The following SH3RF1 variants were observed in gnomAD, a reference collection of about 807,000 sequenced individuals.
The protein encoded by SH3RF1 is E3 ubiquitin-protein ligase SH3RF1.
Under a neutral mutation model 74.0 loss-of-function variants are expected in SH3RF1, and 32 were observed. That is an observed-to-expected ratio of 0.43 (90% CI 0.33 to 0.58). The LOEUF (loss-of-function observed/expected upper bound fraction) is 0.58, where lower values mean the gene tolerates loss of function less well. SH3RF1 is among the 20% of genes least tolerant of loss of function. The pLI is 0.05. For missense variants in SH3RF1, 954 were observed against 1,130.9 expected (o/e 0.84, Z 2.24); for synonymous variants, 396 against 439.6 (o/e 0.90, Z 1.24).
chr4:169,215,963 C>T (rs1481185717), intron 2 of SH3RF1, among the ~76,000 whole-genome samples: 3 of 152,008 alleles, frequency 2.0e-5, no homozygotes, highest in Non-Finnish European at 2.9e-5. Context: ...ACCACCATGC[C>T]TGGTTAATTT....
intron 2 of SH3RF1, among the ~76,000 whole-genome samples, chr4:169,253,268 A>G (rs1320386083): frequency 1.3e-5 from 2 of 152,240 alleles, no homozygotes; most frequent in East Asian, 3.8e-4. Context: ...TTCTTAATCC[A>G]TAAGGAAATG....
At chr4:169,153,815 T>C (rs1297781880) in intron 4 of SH3RF1, among the ~76,000 whole-genome samples, 2 of 152,206 alleles carry the variant, frequency 1.3e-5, no homozygotes, top group Non-Finnish European at 2.9e-5. Flanking sequence ...AGAAGCAGAA[T>C]GAAAATACTT....
chr4:169,239,655 C>A (rs1003146117), intron 2 of SH3RF1, among the ~76,000 whole-genome samples: 5 of 152,164 alleles, frequency 3.3e-5, no homozygotes, highest in African/African-American at 1.2e-4. Flanking sequence ...AAAGCAAGTA[C>A]ATTAAAGGAT....
chr4:169,218,600 CA>C (rs1730505714), intron 2 of SH3RF1, among the ~76,000 whole-genome samples: 1 of 151,224 alleles, frequency 6.6e-6, no homozygotes, highest in East Asian at 1.9e-4. Flanking sequence ...AAGATTCAGT[CA>C]CTCACAGGGA....
At chr4:169,218,817 A>G (rs999276906) in intron 2 of SH3RF1, among the ~76,000 whole-genome samples, 3 of 152,200 alleles carry the variant, frequency 2.0e-5, no homozygotes, top group Non-Finnish European at 4.4e-5. Context: ...CATTAATGGA[A>G]AGAAGCATTT....
intron 11 of SH3RF1, among the ~76,000 whole-genome samples, chr4:169,100,637 G>A (rs1208749408): frequency 6.6e-6 from 1 of 152,148 alleles, no homozygotes; most frequent in Admixed American, 6.5e-5. Flanking sequence ...TCTATGCAGA[G>A]CTCACATACT....
In SH3RF1 at chr4:169,137,331, A is replaced by G. The variant is rs140126837; in HGVS notation, c.766-711T>C. The stretch of plus-strand genomic sequence containing the variant: ...CATCTATCTGAAAAGCCCCAGTGTA[A>G]ATTAAGAGTACCAGGGGTCAAAATC... On this transcript the variant is annotated intron_variant, in intron 4 of 11. Transcript: ENST00000284637. Among the ~76,000 whole-genome samples, 763 of 152,274 alleles carry G rather than the reference A, an allele frequency of 5.0e-3. 6 individuals carry two copies. Among genetic ancestry groups the G allele is most frequent in the African/African-American group, 0.017 (698 of 41,542 alleles).
At chr4:169,210,280 T>G (rs1020955043) in intron 2 of SH3RF1, among the ~76,000 whole-genome samples, 1 of 152,186 alleles carries the variant, frequency 6.6e-6, no homozygotes, top group Non-Finnish European at 1.5e-5. Flanking sequence ...ATTTGCATCA[T>G]CTTATAATGA....
intron 5 of SH3RF1, among the ~76,000 whole-genome samples, chr4:169,135,195 A>AAACAAACC (rs55774023): frequency 1.3e-5 from 2 of 151,862 alleles, no homozygotes; most frequent in Non-Finnish European, 2.9e-5. Context: ...ACAAACAAAC[A>AAACAAACC]TGAGGCTGAG....
intron 2 of SH3RF1, among the ~76,000 whole-genome samples, chr4:169,232,212 A>C (rs1361017743): frequency 2.0e-5 from 3 of 152,178 alleles, no homozygotes; most frequent in African/African-American, 7.2e-5. Context: ...ACAGTGCCAA[A>C]ATTTTTGGAC....
At chr4:169,183,356 C>T (rs1375026273) in intron 2 of SH3RF1, among the ~76,000 whole-genome samples, 2 of 152,198 alleles carry the variant, frequency 1.3e-5, no homozygotes, top group Non-Finnish European at 2.9e-5. Flanking sequence ...TCCTGGCTCA[C>T]TGCAACCTCC....
At chr4:169,100,300 G>A (rs1166033446) in intron 11 of SH3RF1, among the ~76,000 whole-genome samples, 1 of 152,012 alleles carries the variant, frequency 6.6e-6, no homozygotes, top group Non-Finnish European at 1.5e-5. Flanking sequence ...CATTGTCACT[G>A]TCACTATCCT....
chr4:169,181,975 GAA>G (rs1734519762), intron 2 of SH3RF1, among the ~76,000 whole-genome samples: 1 of 152,126 alleles, frequency 6.6e-6, no homozygotes, highest in Non-Finnish European at 1.5e-5. Flanking sequence ...CCACCGAAAT[GAA>G]GAGAGAAACC....
At chr4:169,119,855 C>T (rs914931066) in intron 8 of SH3RF1, among the ~76,000 whole-genome samples, 5 of 152,176 alleles carry the variant, frequency 3.3e-5, no homozygotes, top group Admixed American at 1.3e-4. Flanking sequence ...GTATATTAAA[C>T]GGCCGGTGGT....
chr4:169,159,926 T>C (rs1734124612), intron 2 of SH3RF1, among the ~76,000 whole-genome samples: 1 of 152,256 alleles, frequency 6.6e-6, no homozygotes, highest in Admixed American at 6.5e-5. Flanking sequence ...ATTCATCTTC[T>C]GGTTGAACAG....
chr4:169,204,261 T>C (rs889571860), intron 2 of SH3RF1, among the ~76,000 whole-genome samples: 1 of 149,442 alleles, frequency 6.7e-6, no homozygotes, highest in African/African-American at 2.5e-5. Flanking sequence ...GTAGTTTACG[T>C]TTCAGGTGTG....
intron 2 of SH3RF1, among the ~76,000 whole-genome samples, chr4:169,197,560 G>A (rs558233638): frequency 8.8e-4 from 130 of 147,076 alleles, no homozygotes; most frequent in African/African-American, 3.0e-3. Context: ...GGAGGCAGAC[G>A]TTACAGTGAG....
At chr4:169,172,556 T>C (rs989677357) in intron 2 of SH3RF1, among the ~76,000 whole-genome samples, 2 of 152,220 alleles carry the variant, frequency 1.3e-5, no homozygotes, top group African/African-American at 4.8e-5. Flanking sequence ...TATGACCTTA[T>C]TGTTTTTATT....
chr4:169,266,710 C>T (rs913465282), intron 2 of SH3RF1, among the ~76,000 whole-genome samples: 6 of 152,090 alleles, frequency 3.9e-5, no homozygotes, highest in South Asian at 2.1e-4. Flanking sequence ...AGTGATCCTC[C>T]GGCCCCAGCC....
Sources: gnomAD v4.1 joint callset for allele counts (sites outside exome capture counted in the v4.1 genomes callset) on GRCh38, gnomAD v4.1.1 for gene constraint, MANE v1.5 for transcripts, NCBI Gene and HGNC (gene_info 2026-07-23, HGNC 2026-07-21) for gene names.